Variants in ADAMTS20 observed in about 807,000 individuals in gnomAD.
ADAMTS20 encodes ADAM metallopeptidase with thrombospondin type 1 motif 20.
ADAMTS20 carries 225 observed loss-of-function variants against 260.1 expected under a neutral mutation model. The observed-to-expected ratio is 0.87, with a 90% CI of 0.78 to 0.97. ADAMTS20 has a LOEUF of 0.97. ADAMTS20 is among the 50% of genes least tolerant of loss of function. The pLI, the probability that ADAMTS20 is intolerant of heterozygous loss-of-function variation, is 0.00. For missense variants in ADAMTS20, 2,400 were observed against 2,337.7 expected (o/e 1.03, Z -0.55); for synonymous variants, 802 against 769.5 (o/e 1.04, Z -0.70).
chr12:43,401,724 A>G (rs976786051), intron 28 of ADAMTS20, among the ~76,000 whole-genome samples: 81 of 136,172 alleles, frequency 5.9e-4, no homozygotes, highest in African/African-American at 2.0e-3. Context: ...TTTATAATTT[A>G]TAAGTATATT....
At chr12:43,542,122 A>G (rs1943384617) in intron 2 of ADAMTS20, among the ~76,000 whole-genome samples, 1 of 152,186 alleles carries the variant, frequency 6.6e-6, no homozygotes, top group Non-Finnish European at 1.5e-5. Flanking sequence ...GAACTAATTA[A>G]AAAGAGGAAA....
intron 29 of ADAMTS20, among the ~76,000 whole-genome samples, chr12:43,393,355 ACTT>A (rs1318839119): frequency 6.6e-6 from 1 of 152,042 alleles, no homozygotes; most frequent in Non-Finnish European, 1.5e-5. Context: ...GGGATGCACT[ACTT>A]CTTCATCTAT....
intron 3 of ADAMTS20, among the ~76,000 whole-genome samples, chr12:43,527,639 T>C (rs11503831): frequency 0.35 from 52,953 of 151,770 alleles, 9,802 homozygotes; most frequent in East Asian, 0.75. Context: ...ATCCAGCATC[T>C]CTTTATGCTA....
At chr12:43,492,311 C>T (rs571153797) in intron 6 of ADAMTS20, among the ~76,000 whole-genome samples, 194 bp downstream of exon 6, 3 of 151,060 alleles carry the variant, frequency 2.0e-5, no homozygotes, top group African/African-American at 7.3e-5. Context: ...ACCCAGGAGG[C>T]GGAGCTTGCA....
At position 43,446,020 on chromosome 12, in the gene ADAMTS20, T is replaced by A. The variant is rs1592073055; in HGVS notation, c.2197+575A>T. On this transcript the variant is annotated intron_variant, in intron 15 of 38. Coordinates refer to ENST00000389420, the MANE Select transcript of ADAMTS20 (RefSeq NM_025003.5). ...GATATTTTGGAGAAAAATTAAATTA[T>A]GGCCAATATGTGATCCAGATACTGC... Among the ~76,000 whole-genome samples the A allele has an allele frequency of 2.0e-5, 3 of 152,308 alleles. No homozygotes were observed. The East Asian group carries it at 5.8e-4, about 29-fold the overall frequency.
chr12:43,530,631 T>A (rs1242249216), intron 3 of ADAMTS20, among the ~76,000 whole-genome samples: 1 of 152,166 alleles, frequency 6.6e-6, no homozygotes, highest in Non-Finnish European at 1.5e-5. Context: ...AATAAATCCT[T>A]GCTAATCCCA....
chr12:43,538,031 C>T (rs1164171628), intron 2 of ADAMTS20, among the ~76,000 whole-genome samples: 1 of 152,072 alleles, frequency 6.6e-6, no homozygotes, highest in Non-Finnish European at 1.5e-5. Flanking sequence ...TGGGTGTATA[C>T]CCAGCAGTGG....
chr12:43,442,556 C>T (rs1376222411), intron 16 of ADAMTS20, among the ~76,000 whole-genome samples: 2 of 152,094 alleles, frequency 1.3e-5, no homozygotes, highest in Non-Finnish European at 2.9e-5. Context: ...CCATGCACAG[C>T]CAACATTTCT....
At chr12:43,540,130 A>G (rs1421386855) in intron 2 of ADAMTS20, among the ~76,000 whole-genome samples, 4 of 152,106 alleles carry the variant, frequency 2.6e-5, no homozygotes, top group African/African-American at 9.7e-5. Context: ...TCAGCCTCCC[A>G]AAGTGCTGGG....
chr12:43,464,809 G>T (rs1456140153), intron 9 of ADAMTS20, 77 bp from the exon 10 acceptor site: 1 of 1,445,742 alleles, frequency 6.9e-7, no homozygotes, highest in Non-Finnish European at 9.3e-7. Context: ...CACATTTTTT[G>T]TAGTTCTTTA....
rs1371357124 is a variant in ADAMTS20 at position 43,431,415 on chromosome 12, A to C, written c.3178T>G (p.Cys1060Gly). 2 of 1,613,896 alleles carry C rather than the reference A, an allele frequency of 1.2e-6. No homozygotes were observed. The highest frequency in any genetic ancestry group is 1.7e-6 in the Non-Finnish European group (2 of 1,179,874). ...LNVDHLSDGF[C>G]NSSTKPESLS... ...GATTCAGGTTTGGTACTTGAATTAC[A>C]GAAGCCATCACTCAAGTGATCTACA... Residue 1060 changes from cysteine (C) to glycine (G), a missense_variant, in exon 22 of 39, where the codon TGT becomes GGT. Physicochemically the swap from Cys to Gly is radical, Grantham distance 159. Transcript: ENST00000389420.
chr12:43,385,604 C>A (rs1055866264), intron 29 of ADAMTS20, among the ~76,000 whole-genome samples: 3 of 152,098 alleles, frequency 2.0e-5, no homozygotes, highest in African/African-American at 7.2e-5. Flanking sequence ...AGTCTTTAAT[C>A]CATCTTGAGT....
At chr12:43,409,601 CAAAAAAAAAAAAA>C (rs67474640) in intron 28 of ADAMTS20, among the ~76,000 whole-genome samples, 4 of 46,894 alleles carry the variant, frequency 8.5e-5, no homozygotes, top group African/African-American at 2.9e-4. Flanking sequence ...GACTCCGTCT[CAAAAAAAAAAAAA>C]AAAAAAAAAA....
intron 8 of ADAMTS20, among the ~76,000 whole-genome samples, chr12:43,467,095 C>T (rs982377193): frequency 2.6e-5 from 4 of 151,964 alleles, no homozygotes; most frequent in African/African-American, 7.2e-5. Flanking sequence ...CCTGCAGGTT[C>T]AACATGGATA....
At chr12:43,485,477 A>G (rs753234047) in intron 7 of ADAMTS20, among the ~76,000 whole-genome samples, 10 of 152,164 alleles carry the variant, frequency 6.6e-5, no homozygotes, top group Non-Finnish European at 1.0e-4. Context: ...TGAACAGGGA[A>G]AAGCTGAAAG....
intron 14 of ADAMTS20, among the ~76,000 whole-genome samples, chr12:43,447,162 C>A (rs1323002202): frequency 2.7e-5 from 4 of 149,442 alleles, no homozygotes; most frequent in Admixed American, 2.0e-4. Context: ...ATCCTGATAC[C>A]AAAACCTGGC....
At chr12:43,516,174 C>T (rs982505318) in intron 3 of ADAMTS20, among the ~76,000 whole-genome samples, 3 of 152,136 alleles carry the variant, frequency 2.0e-5, no homozygotes, top group Non-Finnish European at 4.4e-5. Context: ...CTCCAACTCA[C>T]TCCAACATAT....
chr12:43,387,704 G>A (rs1336788892), intron 29 of ADAMTS20, among the ~76,000 whole-genome samples: 1 of 152,236 alleles, frequency 6.6e-6, no homozygotes, highest in Non-Finnish European at 1.5e-5. Context: ...GAGGAATCTA[G>A]AGAGGCAGCT....
chr12:43,506,256 A>G (rs960873579), intron 3 of ADAMTS20, among the ~76,000 whole-genome samples: 1 of 152,124 alleles, frequency 6.6e-6, no homozygotes, highest in African/African-American at 2.4e-5. Flanking sequence ...ATCCTGTATG[A>G]TATTACTTAA....
Sources: allele counts gnomAD v4.1 joint callset (sites outside exome capture counted in the v4.1 genomes callset), GRCh38; gene constraint gnomAD v4.1.1; transcripts MANE v1.5; gene names NCBI Gene and HGNC (gene_info 2026-07-23, HGNC 2026-07-21).